CNTNAP2: variants seen among roughly 807,000 people sequenced by gnomAD.
CNTNAP2 encodes the protein contactin-associated protein-like 2.
Under a neutral mutation model 155.2 loss-of-function variants are expected in CNTNAP2, and 98 were observed. That is an observed-to-expected ratio of 0.63 (90% CI 0.54 to 0.75). The LOEUF (loss-of-function observed/expected upper bound fraction) is 0.75, where lower values mean the gene tolerates loss of function less well. Among genes scored for constraint, CNTNAP2 ranks in the 30% least tolerant of loss-of-function variants. The probability of loss-of-function intolerance (pLI) is 0.00; values close to 1 mark genes in which losing one functional copy is unlikely to be tolerated. For synonymous variants in CNTNAP2, 651 were observed against 631.2 expected (o/e 1.03, Z -0.47); for missense variants, 1,727 against 1,688.1 (o/e 1.02, Z -0.40).
At chr7:147,198,560 CTGT>C (rs930514931) in intron 8 of CNTNAP2, among the ~76,000 whole-genome samples, 3 of 152,092 alleles carry the variant, frequency 2.0e-5, no homozygotes, top group Admixed American at 6.5e-5. Flanking sequence ...TTGAAATTGT[CTGT>C]TGTTGTTATT....
At chr7:146,259,959 G>A (rs1434216668) in intron 1 of CNTNAP2, among the ~76,000 whole-genome samples, 1 of 152,182 alleles carries the variant, frequency 6.6e-6, no homozygotes, top group Non-Finnish European at 1.5e-5. Context: ...GTCCTAGGAG[G>A]GAAAAATAGT....
chr7:148,217,348 C>A lies in CNTNAP2; in HGVS notation c.3071C>A (p.Thr1024Lys), dbSNP rs1415451310. 1 of 1,614,124 alleles carries A rather than the reference C, an allele frequency of 6.2e-7. No homozygotes were observed. Among genetic ancestry groups the A allele is most frequent in the East Asian group, 2.2e-5 (1 of 44,870 alleles). ...CGATATAACTTTCAGGCACCAGCAA[C>A]AAATGCCAGAGACTCCAGCAGCAGA... ...WLRYNFQAPA[T>K]NARDSSSRVD... Residue 1024 changes from threonine (T) to lysine (K), a missense_variant, in exon 19 of 24, where the codon ACA becomes AAA. Coordinates refer to ENST00000361727, the MANE Select transcript of CNTNAP2 (RefSeq NM_014141.6).
intron 1 of CNTNAP2, among the ~76,000 whole-genome samples, chr7:146,735,154 T>G (rs1000499003): frequency 6.6e-6 from 1 of 152,240 alleles, no homozygotes; most frequent in Non-Finnish European, 1.5e-5. Flanking sequence ...CATCTTTTTT[T>G]GAAAAATCTT....
At chr7:146,832,329 A>T (rs756973445) in intron 2 of CNTNAP2, among the ~76,000 whole-genome samples, 30 of 151,924 alleles carry the variant, frequency 2.0e-4, no homozygotes, top group Non-Finnish European at 4.1e-4. Context: ...TTAGTTTTTC[A>T]AATGTTTATA....
chr7:147,320,708 G>A (rs920840025), intron 9 of CNTNAP2, among the ~76,000 whole-genome samples: 11 of 152,136 alleles, frequency 7.2e-5, no homozygotes, highest in African/African-American at 2.7e-4. Context: ...CTGGTCCATA[G>A]CAATTTTAAA....
intron 2 of CNTNAP2, among the ~76,000 whole-genome samples, chr7:146,828,420 A>G (rs769388447): frequency 5.3e-5 from 8 of 152,172 alleles, no homozygotes; most frequent in Admixed American, 1.3e-4. Context: ...ACGCAGTCCA[A>G]TCTCTCAAAT....
intron 4 of CNTNAP2, chr7:147,085,600 G>A (rs944707506): frequency 2.6e-5 from 4 of 152,254 alleles, no homozygotes; most frequent in African/African-American, 9.6e-5. Context: ...GCTGCCATAG[G>A]TGATATCTCT....
intron 1 of CNTNAP2, among the ~76,000 whole-genome samples, chr7:146,405,180 GT>G (rs1795772825): frequency 6.6e-6 from 1 of 152,138 alleles, no homozygotes; most frequent in African/African-American, 2.4e-5. Context: ...GAGCCTTGTT[GT>G]TGTCCCTGAA....
chr7:146,615,110 A>G (rs1350493689), intron 1 of CNTNAP2, among the ~76,000 whole-genome samples: 1 of 152,202 alleles, frequency 6.6e-6, no homozygotes, highest in African/African-American at 2.4e-5. Flanking sequence ...TTGCTAAATA[A>G]TGAAATTGTA....
At chr7:148,080,959 A>G (rs1803592253) in intron 15 of CNTNAP2, among the ~76,000 whole-genome samples, 1 of 152,166 alleles carries the variant, frequency 6.6e-6, no homozygotes. Context: ...AGAGACGGGG[A>G]GGAAAGAATA....
At chr7:147,077,911 C>T (rs765851247) in intron 4 of CNTNAP2, among the ~76,000 whole-genome samples, 15 of 152,136 alleles carry the variant, frequency 9.9e-5, no homozygotes, top group Non-Finnish European at 2.2e-4. Context: ...AAAGAAATAG[C>T]TGTAGACAGA....
chr7:146,481,677 A>C (rs574865094), intron 1 of CNTNAP2, among the ~76,000 whole-genome samples: 1 of 152,322 alleles, frequency 6.6e-6, no homozygotes, highest in Non-Finnish European at 1.5e-5. Flanking sequence ...TCGGAGTAGC[A>C]GATTTATGAA....
intron 20 of CNTNAP2, among the ~76,000 whole-genome samples, chr7:148,245,830 G>C (rs368728951): frequency 1.3e-3 from 195 of 152,236 alleles, no homozygotes; most frequent in African/African-American, 4.5e-3. Flanking sequence ...CACTCGTACA[G>C]GGCCGGGTCA....
chr7:147,228,154 C>A (rs1290239950), intron 8 of CNTNAP2, among the ~76,000 whole-genome samples: 4 of 152,052 alleles, frequency 2.6e-5, no homozygotes, highest in Non-Finnish European at 5.9e-5. Flanking sequence ...GTTGGTGTGC[C>A]TGTATGGAGT....
intron 2 of CNTNAP2, among the ~76,000 whole-genome samples, chr7:146,780,330 C>T (rs1048240614): frequency 6.6e-6 from 1 of 151,980 alleles, no homozygotes; most frequent in Admixed American, 6.6e-5. Context: ...GGACTGCAGG[C>T]GCCCGCCACC....
chr7:147,920,749 T>C (rs7805492), intron 14 of CNTNAP2, among the ~76,000 whole-genome samples: 114,684 of 150,920 alleles, frequency 0.76, 44,294 homozygotes, highest in African/African-American at 0.89. Flanking sequence ...GATTTAAGAA[T>C]GTGTCTTCAC....
At chr7:146,875,963 AAAAAAC>A in intron 3 of CNTNAP2, among the ~76,000 whole-genome samples, 1 of 108,520 alleles carries the variant, frequency 9.2e-6, no homozygotes, top group African/African-American at 3.6e-5. Flanking sequence ...AAAAAAAAAC[AAAAAAC>A]AAAAAAACGA....
chr7:147,652,129 ATGAATGATAAGACTTCTC>A (rs750483580), intron 13 of CNTNAP2, among the ~76,000 whole-genome samples: 2 of 152,208 alleles, frequency 1.3e-5, no homozygotes, highest in African/African-American at 2.4e-5. Context: ...TTTCCCACCA[ATGAATGATAAGACTTCTC>A]TGAAATACTA....
intron 13 of CNTNAP2, among the ~76,000 whole-genome samples, chr7:147,901,939 A>G (rs940454988): frequency 4.6e-5 from 7 of 152,220 alleles, no homozygotes; most frequent in Admixed American, 4.6e-4. Context: ...TAAAAGAACT[A>G]CTTAACTCTT....
Sources: allele counts gnomAD v4.1 joint callset (sites outside exome capture counted in the v4.1 genomes callset), GRCh38; gene constraint gnomAD v4.1.1; transcripts MANE v1.5; gene names NCBI Gene and HGNC (gene_info 2026-07-23, HGNC 2026-07-21).